Variants in ATOSA observed in about 807,000 individuals in gnomAD.
ATOSA encodes atos homolog A, also known as atos homolog protein A.
At chr15:52,597,554 T>C in the ATOSA span, among the ~76,000 whole-genome samples, 1 of 152,216 alleles carries the variant, frequency 6.6e-6, no homozygotes, top group African/African-American at 2.4e-5. Flanking sequence ...TACATTTATA[T>C]AAAATTATAG....
At chr15:52,689,365 G>T in the ATOSA span, among the ~76,000 whole-genome samples, 1 of 152,084 alleles carries the variant, frequency 6.6e-6, no homozygotes, top group Non-Finnish European at 1.5e-5. Flanking sequence ...TCATCAGGAT[G>T]TACCATGATT....
the ATOSA span, among the ~76,000 whole-genome samples, chr15:52,690,736 A>G: frequency 1.8e-4 from 28 of 152,342 alleles, no homozygotes; most frequent in African/African-American, 6.3e-4. Context: ...GCCACCTGTA[A>G]ATGAAGTGAA....
At chr15:52,671,314 T>C in the ATOSA span, among the ~76,000 whole-genome samples, 1 of 152,232 alleles carries the variant, frequency 6.6e-6, no homozygotes, top group Non-Finnish European at 1.5e-5. Flanking sequence ...CTAACAGTCA[T>C]TAATTCAAAC....
the ATOSA span, among the ~76,000 whole-genome samples, chr15:52,645,300 A>G: frequency 6.6e-6 from 1 of 152,146 alleles, no homozygotes; most frequent in East Asian, 1.9e-4. Context: ...TTAGCTGGGC[A>G]TGGAGGCACA....
At chr15:52,604,571 C>T in the ATOSA span, among the ~76,000 whole-genome samples, 3 of 152,176 alleles carry the variant, frequency 2.0e-5, no homozygotes, top group Non-Finnish European at 2.9e-5. Flanking sequence ...AGGGATGATA[C>T]TAACCATCCT....
chr15:52,615,524 CA>C, the ATOSA span, among the ~76,000 whole-genome samples: 1 of 152,062 alleles, frequency 6.6e-6, no homozygotes, highest in Non-Finnish European at 1.5e-5. Context: ...ATTTTAAAAA[CA>C]AACAGAACCA....
At chr15:52,588,114 A>G in the ATOSA span, among the ~76,000 whole-genome samples, 1 of 152,210 alleles carries the variant, frequency 6.6e-6, no homozygotes, top group Non-Finnish European at 1.5e-5. Context: ...TGATCCTCAG[A>G]TGAGCATCAT....
the ATOSA span, among the ~76,000 whole-genome samples, chr15:52,673,707 T>G: frequency 6.6e-6 from 1 of 152,250 alleles, no homozygotes; most frequent in Admixed American, 6.5e-5. Context: ...TTCTTTTGTT[T>G]GATTTACATC....
At chr15:52,627,218 G>GAAGGGAAGGAGAAGGGTAGAC in the ATOSA span, among the ~76,000 whole-genome samples, 2 of 152,160 alleles carry the variant, frequency 1.3e-5, no homozygotes, top group Non-Finnish European at 2.9e-5. Flanking sequence ...ACCTAAGAGG[G>GAAGGGAAGGAGAAGGGTAGAC]AAGGGAAGGA....
the ATOSA span, among the ~76,000 whole-genome samples, chr15:52,663,475 A>G: frequency 6.6e-6 from 1 of 152,228 alleles, no homozygotes; most frequent in Non-Finnish European, 1.5e-5. Flanking sequence ...TCATCAATAA[A>G]TACTACTGAA....
At chr15:52,588,751 C>A in the ATOSA span, among the ~76,000 whole-genome samples, 1 of 152,202 alleles carries the variant, frequency 6.6e-6, no homozygotes, top group African/African-American at 2.4e-5. Flanking sequence ...CGTGCCCAGG[C>A]TGTGATACTT....
chr15:52,668,532 TA>T, the ATOSA span, among the ~76,000 whole-genome samples: 1 of 152,164 alleles, frequency 6.6e-6, no homozygotes, highest in South Asian at 2.1e-4. Context: ...TTATATATTA[TA>T]AAATAGCTAG....
At chr15:52,651,059 T>C in the ATOSA span, among the ~76,000 whole-genome samples, 1 of 152,230 alleles carries the variant, frequency 6.6e-6, no homozygotes, top group African/African-American at 2.4e-5. Flanking sequence ...TGTTCAATTA[T>C]CACATATATT....
the ATOSA span, among the ~76,000 whole-genome samples, chr15:52,664,423 C>G: frequency 3.3e-5 from 5 of 152,168 alleles, no homozygotes; most frequent in Non-Finnish European, 7.4e-5. Flanking sequence ...GAGCTGTATG[C>G]TAACATGTAC....
At chr15:52,648,184 G>A in the ATOSA span, among the ~76,000 whole-genome samples, 58 of 152,034 alleles carry the variant, frequency 3.8e-4, no homozygotes, top group African/African-American at 1.3e-3. Flanking sequence ...AAGTAGTTTC[G>A]CACATTCTTT....
At chr15:52,651,638 T>C in the ATOSA span, among the ~76,000 whole-genome samples, 2 of 152,196 alleles carry the variant, frequency 1.3e-5, no homozygotes, top group Non-Finnish European at 2.9e-5. Context: ...TTCTTCCTAC[T>C]CATTGTTCAG....
chr15:52,632,751 C>A, the ATOSA span, among the ~76,000 whole-genome samples: 42 of 152,048 alleles, frequency 2.8e-4, no homozygotes, highest in South Asian at 8.5e-3. Context: ...ATACAAAGGA[C>A]CAGAATATAA....
At chr15:52,605,412 G>T in the ATOSA span, among the ~76,000 whole-genome samples, 1 of 152,104 alleles carries the variant, frequency 6.6e-6, no homozygotes, top group East Asian at 1.9e-4. Context: ...TTGGGGACTA[G>T]AAGTGTTTAG....
the ATOSA span, among the ~76,000 whole-genome samples, chr15:52,680,599 T>G: frequency 6.6e-6 from 1 of 152,220 alleles, no homozygotes; most frequent in Non-Finnish European, 1.5e-5. Flanking sequence ...AGTAACATTT[T>G]CTAGTGCTTA....
Sources: allele counts gnomAD v4.1 joint callset (sites outside exome capture counted in the v4.1 genomes callset), GRCh38; gene constraint gnomAD v4.1.1; transcripts MANE v1.5; gene names NCBI Gene and HGNC (gene_info 2026-07-23, HGNC 2026-07-21).